RTN4: variants seen among roughly 807,000 people sequenced by gnomAD.
The protein encoded by RTN4 is reticulon-4.
In RTN4, 32 loss-of-function variants were observed where a neutral mutation model predicts 90.4. That is an observed-to-expected ratio of 0.35 (90% CI 0.27 to 0.48). RTN4 has a LOEUF of 0.48. Ranked by LOEUF, RTN4 falls within the 20% of genes least tolerant of loss-of-function variation. RTN4 has a pLI of 0.99. For missense variants in RTN4, 1,706 were observed against 1,430.2 expected, an observed-to-expected ratio of 1.19 and a Z score of -3.11; for synonymous variants, 629 against 552.5, an observed-to-expected ratio of 1.14 and a Z score of -1.94.
chr2:55,109,686 T>C (rs924797171), intron 1 of RTN4, among the ~76,000 whole-genome samples: 2 of 151,280 alleles, frequency 1.3e-5, no homozygotes, highest in African/African-American at 4.9e-5. Flanking sequence ...TTACTGTATA[T>C]GTTCCATGTT....
rs376263014 is a variant in RTN4 at position 55,041,239 on chromosome 2, T to A, written c.556+8506A>T. On this transcript the variant is annotated intron_variant, in intron 1 of 8. Coordinates refer to ENST00000337526, the MANE Select transcript of RTN4 (RefSeq NM_020532.5). ...AAAGTCTCTAGTTCACCTAATTATA[T>A]GCTAAATTTTTTTTAAATACATGTT... 2.0e-5 allele frequency among the ~76,000 whole-genome samples: 3 copies of A among 152,104 alleles called. No individual in the cohort carries two copies. In the East Asian group the frequency reaches 5.8e-4, roughly 29 times the overall value.
chr2:55,015,936 T>G (rs1172275418), intron 3 of RTN4, among the ~76,000 whole-genome samples: 2 of 152,346 alleles, frequency 1.3e-5, no homozygotes, highest in Non-Finnish European at 2.9e-5. Flanking sequence ...ACTTTTCTGG[T>G]GGCCAATTTT....
chr2:55,062,023 G>A (rs1573490904), intron 2 of RTN4, among the ~76,000 whole-genome samples: 1 of 151,360 alleles, frequency 6.6e-6, no homozygotes, highest in African/African-American at 2.4e-5. Flanking sequence ...TCAAGAGCAC[G>A]TCAAGAGCAC....
At chr2:55,035,679 T>C (rs1205879259) in intron 1 of RTN4, among the ~76,000 whole-genome samples, 1 of 151,128 alleles carries the variant, frequency 6.6e-6, no homozygotes, top group Non-Finnish European at 1.5e-5. Flanking sequence ...ATCAACAGAA[T>C]TGATAATCAA....
At chr2:55,036,822 TA>T (rs1401696066) in intron 1 of RTN4, among the ~76,000 whole-genome samples, 1 of 151,974 alleles carries the variant, frequency 6.6e-6, no homozygotes, top group Non-Finnish European at 1.5e-5. Context: ...TCAGGATATC[TA>T]GGAAAAATAT....
intron 1 of RTN4, among the ~76,000 whole-genome samples, chr2:55,089,858 C>A (rs1310329960): frequency 6.6e-6 from 1 of 152,138 alleles, no homozygotes; most frequent in Non-Finnish European, 1.5e-5. Context: ...AAAAGGTCCC[C>A]CTGGGACACC....
upstream of RTN4, among the ~76,000 whole-genome samples, chr2:55,054,166 A>G (rs1371355302): frequency 6.6e-6 from 1 of 152,258 alleles, no homozygotes; most frequent in Non-Finnish European, 1.5e-5. Context: ...TCTCTTTTAA[A>G]TAGAAAGATT....
chr2:55,111,411 C>A (rs139030460), intron 1 of RTN4, among the ~76,000 whole-genome samples: 2 of 152,222 alleles, frequency 1.3e-5, no homozygotes, highest in South Asian at 4.1e-4. Context: ...AGATTCTCAT[C>A]CCATAGTGAG....
chr2:55,110,107 G>A (rs1165602007), intron 1 of RTN4, among the ~76,000 whole-genome samples: 3 of 152,076 alleles, frequency 2.0e-5, no homozygotes, highest in Non-Finnish European at 4.4e-5. Context: ...CCAGGAGTTC[G>A]AGACCAGCCT....
chr2:55,130,587 C>T, the RTN4 span, among the ~76,000 whole-genome samples: 179 of 152,186 alleles, frequency 1.2e-3, no homozygotes, highest in Non-Finnish European at 1.9e-3. Context: ...AAAATCTCTA[C>T]GAAAAATACA....
Position 55,050,315 on chromosome 2 carries a change from G to T in RTN4, c.-15C>A. On this transcript the variant is annotated 5_prime_UTR_variant, in exon 1 of 9. Coordinates refer to ENST00000337526, the MANE Select transcript of RTN4 (RefSeq NM_020532.5). The surrounding 1 kb of genome is among the most constrained non-coding windows in gnomAD (Gnocchi z 4.6). Reference sequence around the variant, plus strand: ...AGGTCTTCCATGGCTGGAGGGTGGAGATGATGCTGCAGCTGCTGCCGCCGC... The same window carrying T: ...AGGTCTTCCATGGCTGGAGGGTGGATATGATGCTGCAGCTGCTGCCGCCGC... The T allele has an allele frequency of 7.2e-7, 1 of 1,398,554 alleles. No individual in the cohort carries two copies. The highest frequency in any genetic ancestry group is 9.3e-7 in the Non-Finnish European group (1 of 1,074,442). The allele number at this position is 1,398,554 out of a possible 1,614,324, so 86.6% of individuals were successfully genotyped here. A position where few individuals can be genotyped will look rare whatever the true frequency, so the allele number is the denominator to read the frequency against.
intron 1 of RTN4, among the ~76,000 whole-genome samples, chr2:55,044,826 A>G (rs1240142693): frequency 2.0e-5 from 3 of 149,362 alleles, no homozygotes; most frequent in African/African-American, 7.4e-5. Context: ...CAAATTTGAC[A>G]CTCAGTTGCC....
chr2:55,013,528 G>A (rs909045706), intron 3 of RTN4, among the ~76,000 whole-genome samples: 10 of 136,902 alleles, frequency 7.3e-5, no homozygotes, highest in African/African-American at 2.2e-4. Context: ...TAGGAAATAC[G>A]CATAAATCAA....
chr2:55,050,276 G>A lies in RTN4; in HGVS notation c.25C>T (p.Leu9=). 1.3e-6 allele frequency: 2 copies of A among 1,487,532 alleles called. No homozygotes were observed. Among genetic ancestry groups the A allele is most frequent in the Non-Finnish European group, 1.8e-6 (2 of 1,118,862 alleles). The allele number at this position is 1,487,532 out of a possible 1,614,324, so 92.1% of individuals were successfully genotyped here. The part of the protein sequence containing the change: MEDLDQSP[L]VSSSDSPPRP... ...GGTGGGCTGTCCGAGGACGAGACCAGAGGAGACTGGTCCAGGTCTTCCATG... is the reference window on the plus strand; with the variant it reads ...GGTGGGCTGTCCGAGGACGAGACCAAAGGAGACTGGTCCAGGTCTTCCATG... Residue 9 remains leucine (L), a synonymous_variant, in exon 1 of 9, where the codon CTG becomes TTG. Transcript: ENST00000337526. The surrounding 1 kb of genome is among the most constrained non-coding windows in gnomAD (Gnocchi z 4.6).
At position 55,015,303 on chromosome 2, in the gene RTN4, C is replaced by T. The variant is rs551729652; in HGVS notation, c.3013+9783G>A. 1.2e-4 allele frequency among the ~76,000 whole-genome samples: 18 copies of T among 152,260 alleles called. No individual in the cohort carries two copies. The South Asian group carries it at 3.3e-3, about 28-fold the overall frequency. On this transcript the variant is annotated intron_variant, in intron 3 of 8. Coordinates refer to ENST00000337526, the MANE Select transcript of RTN4 (RefSeq NM_020532.5). The stretch of plus-strand genomic sequence containing the variant: ...AAACAACTCTAACACCAAAAAAATA[C>T]GTGGGGCAAAATAATCCCTAATCGG...
chr2:55,103,417 T>C (rs1050594766), intron 1 of RTN4, among the ~76,000 whole-genome samples: 5 of 152,046 alleles, frequency 3.3e-5, no homozygotes, highest in Admixed American at 6.6e-5. Flanking sequence ...TGCCTATAGC[T>C]AACAATACTG....
At position 55,085,300 on chromosome 2, in the gene RTN4, T is replaced by C. The variant is rs115902185; in HGVS notation, c.-213-4661A>G. Among the ~76,000 whole-genome samples the C allele has an allele frequency of 1.8e-3, 269 of 150,644 alleles. 1 individual carries two copies. Among genetic ancestry groups the C allele is most frequent in the African/African-American group, 6.2e-3 (254 of 41,284 alleles). On this transcript the variant is annotated intron_variant, in intron 1 of 3. Transcript: ENST00000427710. ...AGGTGTGTGTGGGGGTGTGTGTGTATATATACATATACACCCACACACACA... is the reference window on the plus strand; with the variant it reads ...AGGTGTGTGTGGGGGTGTGTGTGTACATATACATATACACCCACACACACA...
chr2:54,982,332 A>T (rs1469437073), intron 5 of RTN4, among the ~76,000 whole-genome samples, 183 bp downstream of exon 5: 1 of 152,192 alleles, frequency 6.6e-6, no homozygotes, highest in African/African-American at 2.4e-5. Context: ...CCAGAAAAAA[A>T]AAGGGAATAG....
chr2:55,025,425 G>C lies in RTN4; in HGVS notation c.2674C>G (p.Leu892Val), dbSNP rs199778380. ...FSKLAREYTD[L>V]EVSHKSEIAN... ...ATTTCACTTTTGTGGGATACTTCTA[G>C]GTCAGTATATTCCCTGGCTAATTTA... Residue 892 changes from leucine (L) to valine (V), a missense_variant, in exon 3 of 9, where the codon CTA becomes GTA. Leu to Val is a conservative substitution (Grantham distance 32). Transcript: ENST00000337526. 6.2e-7 allele frequency: 1 copy of C among 1,613,710 alleles called. No homozygotes were observed. Among genetic ancestry groups the C allele is most frequent in the African/African-American group, 1.3e-5 (1 of 74,892 alleles).
Sources: gnomAD v4.1 joint callset for allele counts (sites outside exome capture counted in the v4.1 genomes callset) on GRCh38, gnomAD v4.1.1 for gene constraint, Gnocchi (gnomAD v3.1) non-coding constraint, MANE v1.5 for transcripts, NCBI Gene and HGNC (gene_info 2026-07-23, HGNC 2026-07-21) for gene names.